Variants in ANAPC10 observed in about 807,000 individuals in gnomAD.
ANAPC10 encodes the protein anaphase promoting complex subunit 10.
Under a neutral mutation model 22.0 loss-of-function variants are expected in ANAPC10, and 12 were observed. That is an observed-to-expected ratio of 0.55 (90% CI 0.35 to 0.88). The LOEUF (loss-of-function observed/expected upper bound fraction) is 0.88. Among genes scored for constraint, ANAPC10 ranks in the 40% least tolerant of loss-of-function variants. The pLI is 0.01. For synonymous variants in ANAPC10, 65 were observed against 69.5 expected (o/e 0.94, Z 0.32); for missense variants, 188 against 220.9 (o/e 0.85, Z 0.94).
chr4:145,024,841 T>G (rs767920273), intron 4 of ANAPC10, among the ~76,000 whole-genome samples: 5 of 152,192 alleles, frequency 3.3e-5, no homozygotes, highest in African/African-American at 1.2e-4. Context: ...GGCATTGACT[T>G]CTCCTCTCTA....
intron 3 of ANAPC10, among the ~76,000 whole-genome samples, chr4:145,080,907 CAAAAAAAAAAAA>C (rs58188670): frequency 2.6e-5 from 1 of 38,848 alleles, no homozygotes. Context: ...AACTCCATCT[CAAAAAAAAAAAA>C]AAAAAAAAAG....
chr4:145,012,515 A>G (rs1402116864), intron 4 of ANAPC10, among the ~76,000 whole-genome samples: 1 of 152,112 alleles, frequency 6.6e-6, no homozygotes, highest in African/African-American at 2.4e-5. Context: ...TCTGTAACTA[A>G]GAATTCATCA....
intron 4 of ANAPC10, among the ~76,000 whole-genome samples, chr4:145,022,189 A>C (rs137914172): frequency 1.4e-3 from 220 of 152,286 alleles, no homozygotes; most frequent in African/African-American, 5.0e-3. Context: ...TCATTATATG[A>C]AAAAGATACT....
At chr4:145,094,364 C>T (rs1263500377) in intron 2 of ANAPC10, among the ~76,000 whole-genome samples, 17 of 152,078 alleles carry the variant, frequency 1.1e-4, no homozygotes, top group Admixed American at 1.0e-3. Context: ...CATGAGGGAA[C>T]TTTGTGGGAT....
chr4:145,096,085 G>A lies in ANAPC10; in HGVS notation c.15C>T (p.Asn5=), dbSNP rs1478776974. The A allele has an allele frequency of 2.5e-6, 4 of 1,614,074 alleles. No homozygotes were observed. Among genetic ancestry groups the A allele is most frequent in the East Asian group, 2.2e-5 (1 of 44,876 alleles). Residue 5 remains asparagine, a synonymous_variant, in exon 2 of 5, where the codon AAC becomes AAT. Transcript: ENST00000507656. MTTP[N]KTPPGADPKQ... ...TGGGGTCAGCACCAGGAGGTGTCTTGTTTGGTGTAGTCATTTTTAAAATAT... is the reference window on the plus strand; with the variant it reads ...TGGGGTCAGCACCAGGAGGTGTCTTATTTGGTGTAGTCATTTTTAAAATAT...
intron 4 of ANAPC10, among the ~76,000 whole-genome samples, chr4:145,060,960 G>A (rs1325938358): frequency 6.6e-6 from 1 of 152,004 alleles, no homozygotes; most frequent in African/African-American, 2.4e-5. Flanking sequence ...AAAGATAAAA[G>A]TATTCATATC....
At chr4:145,042,819 G>C (rs1436058562) in intron 4 of ANAPC10, among the ~76,000 whole-genome samples, 2 of 151,168 alleles carry the variant, frequency 1.3e-5, no homozygotes, top group Admixed American at 6.6e-5. Flanking sequence ...TGTTTTTTTT[G>C]GATTATGCTC....
chr4:145,010,470 A>G lies in ANAPC10; in HGVS notation c.328-14867T>C, dbSNP rs1182724768. Among the ~76,000 whole-genome samples the G allele has an allele frequency of 5.3e-5, 8 of 152,322 alleles. No individual in the cohort carries two copies. The South Asian group carries it at 1.7e-3, about 32-fold the overall frequency. On this transcript the variant is annotated intron_variant, in intron 4 of 4. Transcript: ENST00000507656. ...TGGATTAAGAAAATGTGGCACATAT[A>G]CACCATGGAATACTATGCAGCCATA... is the stretch of plus-strand genomic sequence containing the variant.
intron 4 of ANAPC10, among the ~76,000 whole-genome samples, chr4:145,032,001 C>T (rs1446125485): frequency 4.6e-5 from 7 of 152,154 alleles, no homozygotes; most frequent in Admixed American, 2.6e-4. Context: ...CGAGCAGGTC[C>T]GGAAGGCACA....
chr4:145,093,407 C>T (rs1022785116), intron 2 of ANAPC10, among the ~76,000 whole-genome samples: 6 of 151,686 alleles, frequency 4.0e-5, no homozygotes, highest in Admixed American at 2.0e-4. Flanking sequence ...CTATTTATCT[C>T]AGTATCTACT....
At chr4:144,996,189 C>T (rs372262329) in intron 4 of ANAPC10, among the ~76,000 whole-genome samples, 3 of 151,322 alleles carry the variant, frequency 2.0e-5, no homozygotes, top group Non-Finnish European at 3.0e-5. Context: ...GATATCCCCA[C>T]GGCTCTACAC....
chr4:145,059,565 A>G (rs539561600), intron 4 of ANAPC10, among the ~76,000 whole-genome samples: 6 of 152,258 alleles, frequency 3.9e-5, no homozygotes, highest in African/African-American at 1.4e-4. Context: ...CAATAAACCA[A>G]AGGACAACTT....
intron 4 of ANAPC10, among the ~76,000 whole-genome samples, chr4:145,013,483 A>G (rs1734663447): frequency 6.6e-6 from 1 of 152,168 alleles, no homozygotes; most frequent in South Asian, 2.1e-4. Context: ...ATACTCATTT[A>G]TGATTTTAAA....
Position 145,017,447 on chromosome 4 carries a change from G to A in ANAPC10, c.328-21844C>T, listed in dbSNP as rs182247751. On this transcript the variant is annotated intron_variant, in intron 4 of 4. Transcript: ENST00000507656. Reference sequence around the variant, plus strand: ...ACTATCTCACACCAGTTAGAATGGCGATCATTAAAAAGTCAGGAAACAACA... The same window carrying A: ...ACTATCTCACACCAGTTAGAATGGCAATCATTAAAAAGTCAGGAAACAACA... Among the ~76,000 whole-genome samples, 13 of 152,212 alleles carry A rather than the reference G, an allele frequency of 8.5e-5. No individual in the cohort carries two copies. In the East Asian group the frequency reaches 9.7e-4, roughly 11 times the overall value.
At chr4:145,065,991 T>C (rs1743617878) in intron 3 of ANAPC10, among the ~76,000 whole-genome samples, 1 of 151,998 alleles carries the variant, frequency 6.6e-6, no homozygotes, top group Non-Finnish European at 1.5e-5. Flanking sequence ...AAAAAAAATC[T>C]AGGTGATTTT....
At chr4:145,002,832 ATAT>A (rs1169225731) in intron 4 of ANAPC10, among the ~76,000 whole-genome samples, 13 of 152,292 alleles carry the variant, frequency 8.5e-5, no homozygotes, top group Non-Finnish European at 1.2e-4. Flanking sequence ...TATATACATA[ATAT>A]TATTTTTGTT....
intron 3 of ANAPC10, 107 bp from the exon 4 acceptor site, chr4:145,064,799 G>A: frequency 1.1e-6 from 1 of 929,940 alleles, no homozygotes; most frequent in Non-Finnish European, 1.5e-6. Flanking sequence ...AGGAGTATTT[G>A]AATCAACATT....
chr4:145,016,590 T>G (rs560370643), intron 4 of ANAPC10, among the ~76,000 whole-genome samples: 1 of 152,356 alleles, frequency 6.6e-6, no homozygotes, highest in South Asian at 2.1e-4. Flanking sequence ...AAGCTACCAA[T>G]GACTTTCTTC....
intron 4 of ANAPC10, among the ~76,000 whole-genome samples, chr4:145,055,324 G>A (rs374905811): frequency 1.4e-4 from 22 of 152,266 alleles, no homozygotes; most frequent in African/African-American, 4.8e-4. Context: ...TTGAGAGGCC[G>A]AGGCGGCCAG....
Sources: allele counts gnomAD v4.1 joint callset (sites outside exome capture counted in the v4.1 genomes callset), GRCh38; gene constraint gnomAD v4.1.1; transcripts MANE v1.5; gene names NCBI Gene and HGNC (gene_info 2026-07-23, HGNC 2026-07-21).